Variants in TUBGCP4 observed in about 807,000 individuals in gnomAD.
TUBGCP4 encodes the protein gamma-tubulin complex component 4.
A neutral mutation model predicts 91.6 loss-of-function variants in TUBGCP4; 54 were observed. The observed-to-expected ratio is 0.59, with a 90% confidence interval of 0.47 to 0.74. The LOEUF (loss-of-function observed/expected upper bound fraction) is 0.74, where lower values mean the gene tolerates loss of function less well. TUBGCP4 is among the 30% of genes least tolerant of loss of function. The pLI is 0.00. For missense variants in TUBGCP4, 593 were observed against 800.9 expected (o/e 0.74, Z 3.13); for synonymous variants, 297 against 302.8 (o/e 0.98, Z 0.20).
chr15:43,386,052 G>T (rs956345993), intron 8 of TUBGCP4, 96 bp downstream of exon 8: 36 of 1,532,436 alleles, frequency 2.3e-5, no homozygotes, highest in Non-Finnish European at 3.1e-5. Flanking sequence ...GCGAGTGGTC[G>T]ATAATATTCC....
Position 43,376,627 on chromosome 15 carries a change from TAAG to T in TUBGCP4, c.330+6_330+8del, listed in dbSNP as rs750705337. On this transcript the variant is annotated splice_donor_5th_base_variant and intron_variant, in intron 3 of 17. Transcript: ENST00000564079. ...GCACTGCTTGATTTGGAACAAGAGG[TAAG>T]AAGGAGGAGATATAGGAAACACCTC... 6.2e-6 allele frequency: 10 copies of T among 1,613,890 alleles called. No individual in the cohort carries two copies. The Admixed American group carries it at 1.5e-4, about 24-fold the overall frequency.
At chr15:43,380,290 A>G (rs2044268426) in intron 6 of TUBGCP4, 127 bp downstream of exon 6, 3 of 833,200 alleles carry the variant, frequency 3.6e-6, no homozygotes, top group Non-Finnish European at 5.7e-6. Context: ...GGATAGAAAA[A>G]GCTCCATGAG....
intron 4 of TUBGCP4, 133 bp downstream of exon 4, chr15:43,377,200 T>A (rs543503162): frequency 1.2e-5 from 9 of 740,330 alleles, no homozygotes; most frequent in Admixed American, 1.0e-4. Context: ...GTGCATTTTG[T>A]ATGTTTTACT....
chr15:43,395,380 T>C, intron 10 of TUBGCP4: 2 of 661,230 alleles, frequency 3.0e-6, no homozygotes, highest in Non-Finnish European at 5.3e-6. Context: ...TATGTTGCTA[T>C]TGAATAAATA....
intron 6 of TUBGCP4, among the ~76,000 whole-genome samples, chr15:43,381,307 G>A (rs1246295087): frequency 1.3e-5 from 2 of 152,186 alleles, no homozygotes; most frequent in African/African-American, 4.8e-5. Context: ...AATGTAAATA[G>A]CTTCACATTT....
chr15:43,386,345 G>A lies in TUBGCP4; in HGVS notation c.1014+15G>A, dbSNP rs4608311. The A allele has an allele frequency of 0.37, 116,421 of 314,172 alleles. 19,939 individuals carry two copies. Among genetic ancestry groups the A allele is most frequent in the African/African-American group, 0.75 (10,880 of 14,452 alleles). The allele number at this position is 314,172 out of a possible 1,614,324, so 19.5% of individuals were successfully genotyped here. ...CTGTGGCTGAGGTTTGTGTTTCATC[G>A]TATATATATATATATATATATATAT... On this transcript the variant is annotated intron_variant, in intron 9 of 17. Coordinates refer to ENST00000564079, the MANE Select transcript of TUBGCP4 (RefSeq NM_014444.5).
rs2044956325 is a variant in TUBGCP4 at position 43,407,695 on chromosome 15, A to G, written c.*2481A>G. ...AAACCAAAGCCCTATTATGTCAAAC[A>G]CACTGCTACTGATCATGACCAAAGG... is the stretch of plus-strand genomic sequence containing the variant. On this transcript the variant is annotated 3_prime_UTR_variant, in exon 18 of 18. Transcript: ENST00000564079. 1 of 934,782 alleles carries G rather than the reference A, an allele frequency of 1.1e-6. No homozygotes were observed. The highest frequency in any genetic ancestry group is 1.7e-5 in the African/African-American group (1 of 60,060). The allele number at this position is 934,782 out of a possible 1,614,324, so 57.9% of individuals were successfully genotyped here.
intron 13 of TUBGCP4, among the ~76,000 whole-genome samples, 164 bp from the exon 14 acceptor site, chr15:43,399,880 A>G (rs1305103792): frequency 6.6e-6 from 1 of 152,068 alleles, no homozygotes; most frequent in Non-Finnish European, 1.5e-5. Context: ...ATAATATTCC[A>G]TTGTATAAAT....
chr15:43,408,232 C>CTT lies in TUBGCP4; in HGVS notation c.*3020_*3021dup. The CTT allele has an allele frequency of 1.2e-6, 1 of 827,530 alleles. No homozygotes were observed. The highest frequency in any genetic ancestry group is 1.8e-6 in the Non-Finnish European group (1 of 547,388). The allele number at this position is 827,530 out of a possible 1,614,324, so 51.3% of individuals were successfully genotyped here. A position where few individuals can be genotyped will look rare whatever the true frequency, so the allele number is the denominator to read the frequency against. Reference sequence around the variant, plus strand: ...GTGTCTCAAGCCTGTAATCCCAGCACTTTGGGAGGCTGTCGTGGTTGGATC... The same window carrying CTT: ...GTGTCTCAAGCCTGTAATCCCAGCACTTTTTGGGAGGCTGTCGTGGTTGGATC... On this transcript the variant is annotated 3_prime_UTR_variant, in exon 18 of 18. Transcript: ENST00000564079.
chr15:43,404,635 C>A, intron 17 of TUBGCP4, 83 bp downstream of exon 17: 1 of 1,462,944 alleles, frequency 6.8e-7, no homozygotes, highest in Non-Finnish European at 9.4e-7. Context: ...TGGAAGAAGA[C>A]TTTAGTCCAA....
chr15:43,374,984 C>T lies in TUBGCP4; in HGVS notation c.79-1114C>T, dbSNP rs563860741. 7.8e-4 allele frequency among the ~76,000 whole-genome samples: 119 copies of T among 152,300 alleles called. 1 individual carries two copies. The highest frequency in any genetic ancestry group is 1.0e-3 in the Non-Finnish European group (71 of 68,028). The stretch of plus-strand genomic sequence containing the variant: ...GTGGTGCAATCTCAGCTCGCTGCAA[C>T]CGCCGCCTCCCGGGTTTAAGCAGTT... On this transcript the variant is annotated intron_variant, in intron 1 of 17. Coordinates refer to ENST00000564079, the MANE Select transcript of TUBGCP4 (RefSeq NM_014444.5).
At chr15:43,394,303 C>G (rs567008225) in intron 9 of TUBGCP4, 31 of 152,106 alleles carry the variant, frequency 2.0e-4, no homozygotes, top group African/African-American at 7.5e-4. Context: ...AGGATGGTCT[C>G]GAACTCCTAA....
At chr15:43,402,917 C>G (rs2044718406) in intron 15 of TUBGCP4, 1 of 152,214 alleles carries the variant, frequency 6.6e-6, no homozygotes, top group South Asian at 2.1e-4. Context: ...GCTATTTCTG[C>G]TGTACCAGGA....
rs764396087 is a variant in TUBGCP4, at chr15:43,376,611, G to A, written c.316G>A (p.Asp106Asn). The change falls in exon 3 of 18, where the codon GAT becomes AAT. Residue 106 changes from aspartate (D) to asparagine (N), a missense_variant. Transcript: ENST00000564079. ...VLQPYRQALL[D>N]LEQEFLGDPH... ...GCAGCCTTATCGCCAAGCACTGCTT[G>A]ATTTGGAACAAGAGGTAAGAAGGAG... 1.9e-6 allele frequency: 3 copies of A among 1,614,048 alleles called. No homozygotes were observed. The highest frequency in any genetic ancestry group is 2.2e-5 in the East Asian group (1 of 44,890).
At chr15:43,379,581 T>TA (rs1203951949) in intron 5 of TUBGCP4, among the ~76,000 whole-genome samples, 1 of 143,806 alleles carries the variant, frequency 7.0e-6, no homozygotes, top group African/African-American at 2.5e-5. Context: ...GCAGAGCTTG[T>TA]AGTGAGCCAA....
At chr15:43,402,952 G>A (rs2044719789) in intron 15 of TUBGCP4, 1 of 152,206 alleles carries the variant, frequency 6.6e-6, no homozygotes. Flanking sequence ...ATTAATAGAT[G>A]CCACTCCAGA....
intron 16 of TUBGCP4, 68 bp from the exon 17 acceptor site, chr15:43,404,345 G>A (rs942328507): frequency 1.7e-5 from 27 of 1,582,174 alleles, no homozygotes; most frequent in African/African-American, 1.6e-4. Flanking sequence ...TCCTCCCTCC[G>A]CCCCCATCCT....
intron 7 of TUBGCP4, among the ~76,000 whole-genome samples, chr15:43,384,847 A>C (rs1204690390): frequency 2.0e-5 from 3 of 152,212 alleles, no homozygotes; most frequent in Non-Finnish European, 4.4e-5. Context: ...CAGGTCGATC[A>C]GTTAAGAGAG....
Position 43,376,535 on chromosome 15 carries a change from G to A in TUBGCP4, c.240G>A (p.Gly80=). 2 of 1,614,174 alleles carry A rather than the reference G, an allele frequency of 1.2e-6. No homozygotes were observed. The highest frequency in any genetic ancestry group is 1.7e-6 in the Non-Finnish European group (2 of 1,180,032). Residue 80 remains glycine, a synonymous_variant, in exon 3 of 18, where the codon GGG becomes GGA. Transcript: ENST00000564079. ...ATCCATCTCAACAGGGCCAAGGTGGGTTACATGGAATCTACCTGCGGGCCT... is the reference window on the plus strand; with the variant it reads ...ATCCATCTCAACAGGGCCAAGGTGGATTACATGGAATCTACCTGCGGGCCT... ...DHHPSQQGQG[G]LHGIYLRAFC... is the part of the protein sequence containing the mutation.
Sources: gnomAD v4.1 joint callset for allele counts (sites outside exome capture counted in the v4.1 genomes callset) on GRCh38, gnomAD v4.1.1 for gene constraint, MANE v1.5 for transcripts, NCBI Gene and HGNC (gene_info 2026-07-23, HGNC 2026-07-21) for gene names.